PRKAR2A: variants seen among roughly 807,000 people sequenced by gnomAD.
PRKAR2A encodes cAMP-dependent protein kinase type II-alpha regulatory subunit.
Under a neutral mutation model 51.9 loss-of-function variants are expected in PRKAR2A, and 29 were observed. The observed-to-expected ratio is 0.56, with a 90% CI of 0.42 to 0.76. The LOEUF (loss-of-function observed/expected upper bound fraction) is 0.76. Among genes scored for constraint, PRKAR2A ranks in the 30% least tolerant of loss-of-function variants. The pLI, the probability that PRKAR2A is intolerant of heterozygous loss-of-function variation, is 0.00. For missense variants in PRKAR2A, 445 were observed against 512.1 expected (o/e 0.87, Z 1.26); for synonymous variants, 178 against 186.2 (o/e 0.96, Z 0.36).
intron 2 of PRKAR2A, among the ~76,000 whole-genome samples, chr3:48,806,310 T>A (rs1382356820): frequency 6.6e-6 from 1 of 152,166 alleles, no homozygotes; most frequent in Non-Finnish European, 1.5e-5. Context: ...CAAGGAAATA[T>A]GAAAGAACAT....
At chr3:48,787,345 C>A (rs2082311529) in intron 4 of PRKAR2A, among the ~76,000 whole-genome samples, 1 of 151,988 alleles carries the variant, frequency 6.6e-6, no homozygotes, top group African/African-American at 2.4e-5. Context: ...GCCACCAAGC[C>A]TGGCTAATTT....
chr3:48,774,745 C>T (rs1343010591), intron 5 of PRKAR2A, among the ~76,000 whole-genome samples: 1 of 152,166 alleles, frequency 6.6e-6, no homozygotes, highest in Non-Finnish European at 1.5e-5. Flanking sequence ...CTACAAATGA[C>T]ATGACTTCTT....
At chr3:48,818,738 G>A (rs1312107579) in intron 1 of PRKAR2A, among the ~76,000 whole-genome samples, 1 of 151,986 alleles carries the variant, frequency 6.6e-6, no homozygotes, top group African/African-American at 2.4e-5. Context: ...GCAAGACCCT[G>A]TCTCAAAAAA....
chr3:48,825,301 A>G (rs1027693203), intron 1 of PRKAR2A, among the ~76,000 whole-genome samples: 19 of 149,940 alleles, frequency 1.3e-4, no homozygotes, highest in Non-Finnish European at 2.4e-4. Context: ...AGGCCACCAC[A>G]CCCGGCCTGA....
At chr3:48,821,646 A>G (rs1295271228) in intron 1 of PRKAR2A, among the ~76,000 whole-genome samples, 1 of 152,220 alleles carries the variant, frequency 6.6e-6, no homozygotes, top group Non-Finnish European at 1.5e-5. Context: ...GACCAGGCAC[A>G]GTGGCTCACG....
rs923764875 is a variant in PRKAR2A, at chr3:48,847,209, G to T, written c.262+126C>A. The T allele has an allele frequency of 1.6e-6, 2 of 1,222,534 alleles. No individual in the cohort carries two copies. Among genetic ancestry groups the T allele is most frequent in the Non-Finnish European group, 1.1e-6 (1 of 894,260 alleles). 75.7% of individuals were successfully genotyped at this position (1,222,534 alleles called of 1,614,324 possible). A position where few individuals can be genotyped will look rare whatever the true frequency, so the allele number is the denominator to read the frequency against. ...TGTCTCAGGGAAACGCTAGAAACGCGGCTACAGAGCTCCCAATCCCAGCCT... is the reference window on the plus strand; with the variant it reads ...TGTCTCAGGGAAACGCTAGAAACGCTGCTACAGAGCTCCCAATCCCAGCCT... On this transcript the variant is annotated intron_variant, in intron 1 of 10. Coordinates refer to ENST00000265563, the MANE Select transcript of PRKAR2A (RefSeq NM_004157.4). The surrounding 1 kb of genome is among the most constrained non-coding windows in gnomAD (Gnocchi z 4.4).
chr3:48,781,683 T>C (rs1379861176), intron 5 of PRKAR2A, among the ~76,000 whole-genome samples: 7 of 152,100 alleles, frequency 4.6e-5, no homozygotes, highest in Admixed American at 4.6e-4. Flanking sequence ...CAGATAATTT[T>C]TGTATTTTTA....
At chr3:48,800,805 C>T (rs567387617) in intron 2 of PRKAR2A, among the ~76,000 whole-genome samples, 5 of 152,086 alleles carry the variant, frequency 3.3e-5, no homozygotes, top group Admixed American at 3.3e-4. Context: ...TCCCGAGTAG[C>T]TGGACTACAG....
At chr3:48,800,303 A>G (rs2082565924) in intron 2 of PRKAR2A, among the ~76,000 whole-genome samples, 2 of 151,220 alleles carry the variant, frequency 1.3e-5, no homozygotes, top group Admixed American at 1.3e-4. Context: ...TGACAAGGTC[A>G]GGAGTTCAAG....
intron 1 of PRKAR2A, among the ~76,000 whole-genome samples, chr3:48,846,005 C>A (rs2083455303): frequency 1.3e-5 from 2 of 151,668 alleles, no homozygotes; most frequent in Non-Finnish European, 2.9e-5. Flanking sequence ...GAGGGACAGT[C>A]TCCAACTTGT....
intron 1 of PRKAR2A, among the ~76,000 whole-genome samples, chr3:48,822,445 T>C (rs1377873906): frequency 1.3e-5 from 2 of 152,204 alleles, no homozygotes; most frequent in African/African-American, 4.8e-5. Context: ...ATTGAATCTA[T>C]ATGCTTAGAT....
chr3:48,761,143 G>A (rs936027793), intron 8 of PRKAR2A, among the ~76,000 whole-genome samples: 1 of 151,778 alleles, frequency 6.6e-6, no homozygotes, highest in Non-Finnish European at 1.5e-5. Context: ...TTAGCCGGAC[G>A]TGGTGGCGGG....
chr3:48,807,077 CA>C (rs1339244877), intron 2 of PRKAR2A, among the ~76,000 whole-genome samples: 11 of 152,112 alleles, frequency 7.2e-5, no homozygotes, highest in Admixed American at 3.3e-4. Context: ...GGACAGCATT[CA>C]TTTTTTTAAC....
At chr3:48,806,600 A>G (rs2082678697) in intron 2 of PRKAR2A, among the ~76,000 whole-genome samples, 1 of 152,120 alleles carries the variant, frequency 6.6e-6, no homozygotes, top group African/African-American at 2.4e-5. Flanking sequence ...AAAAAATAGC[A>G]TAACCACCTA....
intron 1 of PRKAR2A, among the ~76,000 whole-genome samples, chr3:48,846,377 C>T (rs955471128): frequency 1.3e-5 from 2 of 151,988 alleles, no homozygotes; most frequent in Non-Finnish European, 2.9e-5. Context: ...CCACCACGCC[C>T]GGCTAATTTT....
In PRKAR2A at chr3:48,803,751, G is replaced by A. The variant is rs137886183; in HGVS notation, c.298+3898C>T. On this transcript the variant is annotated intron_variant, in intron 2 of 10. Coordinates refer to ENST00000265563, the MANE Select transcript of PRKAR2A (RefSeq NM_004157.4). ...TAAAATTTATTTTAAAAGGCCAGGC[G>A]CAGTGGCTTACGCTGGGAGGCCGAG... 4.3e-3 allele frequency among the ~76,000 whole-genome samples: 655 copies of A among 152,226 alleles called. 3 individuals are homozygous for A. The highest frequency in any genetic ancestry group is 5.2e-3 in the Non-Finnish European group (355 of 68,000).
chr3:48,846,471 C>T (rs1213086213), intron 1 of PRKAR2A, among the ~76,000 whole-genome samples: 1 of 152,190 alleles, frequency 6.6e-6, no homozygotes, highest in Non-Finnish European at 1.5e-5. Flanking sequence ...CCCGCCTCGG[C>T]CTCCCAAAGT....
chr3:48,753,267 ATAC>A (rs2081692930), intron 9 of PRKAR2A, among the ~76,000 whole-genome samples: 3 of 151,818 alleles, frequency 2.0e-5, no homozygotes, highest in Admixed American at 6.6e-5. Flanking sequence ...TTAAGATAAT[ATAC>A]TACATTATAT....
chr3:48,810,458 A>G (rs2082753353), intron 1 of PRKAR2A, among the ~76,000 whole-genome samples: 2 of 152,120 alleles, frequency 1.3e-5, no homozygotes, highest in Non-Finnish European at 2.9e-5. Context: ...TAATATGCCT[A>G]TACACTACTT....
Sources: gnomAD v4.1 joint callset for allele counts (sites outside exome capture counted in the v4.1 genomes callset) on GRCh38, gnomAD v4.1.1 for gene constraint, Gnocchi (gnomAD v3.1) non-coding constraint, MANE v1.5 for transcripts, NCBI Gene and HGNC (gene_info 2026-07-23, HGNC 2026-07-21) for gene names.